MAN2A1: variants seen among roughly 807,000 people sequenced by gnomAD.
MAN2A1 encodes alpha-mannosidase 2.
In MAN2A1, 76 loss-of-function variants were observed where a neutral mutation model predicts 142.6. That is an observed-to-expected ratio of 0.53 (90% CI 0.44 to 0.65). MAN2A1 has a LOEUF of 0.65. MAN2A1 is among the 30% of genes least tolerant of loss of function. The pLI is 0.00. For synonymous variants in MAN2A1, 559 were observed against 473.2 expected, an observed-to-expected ratio of 1.18 and a Z score of -2.35; for missense variants, 1,311 against 1,365.1, an observed-to-expected ratio of 0.96 and a Z score of 0.62.
intron 12 of MAN2A1, 42 bp from the exon 13 acceptor site, chr5:109,817,221 TAAGAAGTAAA>T: frequency 2.0e-6 from 3 of 1,535,186 alleles, no homozygotes; most frequent in Non-Finnish European, 2.7e-6. Flanking sequence ...TATGTATATG[TAAGAAGTAAA>T]AATATTTTGA....
chr5:109,855,844 A>G (rs1336074338), intron 20 of MAN2A1, among the ~76,000 whole-genome samples: 1 of 152,238 alleles, frequency 6.6e-6, no homozygotes, highest in Non-Finnish European at 1.5e-5. Context: ...AGTTATATAC[A>G]TACCTGTTTT....
chr5:109,766,179 A>G (rs932774519), intron 5 of MAN2A1, among the ~76,000 whole-genome samples: 3 of 152,110 alleles, frequency 2.0e-5, no homozygotes, highest in South Asian at 2.1e-4. Context: ...GTAATGCAAT[A>G]TCATAGGGTA....
At chr5:109,842,514 TATA>T in intron 17 of MAN2A1, 53 bp downstream of exon 17, 1 of 1,183,930 alleles carries the variant, frequency 8.4e-7, no homozygotes, top group Non-Finnish European at 1.2e-6. Flanking sequence ...GTGTAATTCT[TATA>T]TATAACAATG....
chr5:109,717,063 A>ATT (rs371206769), intron 3 of MAN2A1, among the ~76,000 whole-genome samples: 89 of 145,938 alleles, frequency 6.1e-4, no homozygotes, highest in Middle Eastern at 7.1e-3. Context: ...TAGTTGCAGC[A>ATT]TTTTTTTTTT....
intron 1 of MAN2A1, among the ~76,000 whole-genome samples, chr5:109,690,760 T>TGCG (rs888676063): frequency 7.8e-4 from 118 of 151,994 alleles, no homozygotes; most frequent in Middle Eastern, 6.8e-3. Flanking sequence ...CTGGGCGGCG[T>TGCG]GCGGCGGCGG....
chr5:109,732,023 G>C (rs917407877), intron 4 of MAN2A1, among the ~76,000 whole-genome samples: 35 of 151,938 alleles, frequency 2.3e-4, no homozygotes, highest in Non-Finnish European at 4.4e-4. Flanking sequence ...TCCAGCACCT[G>C]TTGTTTCCTG....
intron 1 of MAN2A1, among the ~76,000 whole-genome samples, chr5:109,692,818 C>T (rs1211422724): frequency 2.8e-5 from 2 of 70,882 alleles, no homozygotes; most frequent in African/African-American, 5.5e-5. Context: ...TCGGGGGTTT[C>T]GGGGGATGGT....
At chr5:109,842,093 A>T (rs546097227) in intron 16 of MAN2A1, among the ~76,000 whole-genome samples, 3 of 152,290 alleles carry the variant, frequency 2.0e-5, no homozygotes, top group Middle Eastern at 3.4e-3. Context: ...TTCTCATCCC[A>T]GCTGCTTCAT....
intron 10 of MAN2A1, among the ~76,000 whole-genome samples, chr5:109,786,247 C>T (rs1260905739): frequency 6.6e-6 from 1 of 151,958 alleles, no homozygotes; most frequent in Non-Finnish European, 1.5e-5. Flanking sequence ...TCAGATCCTC[C>T]TTTTTTCCTT....
At chr5:109,733,673 A>T (rs10477444) in intron 4 of MAN2A1, among the ~76,000 whole-genome samples, 12,498 of 151,400 alleles carry the variant, frequency 0.083, 606 homozygotes, top group African/African-American at 0.15. Flanking sequence ...TTTATTGATT[A>T]GCGTATATTG....
At chr5:109,845,575 T>C (rs772674462) in intron 17 of MAN2A1, among the ~76,000 whole-genome samples, 1 of 152,192 alleles carries the variant, frequency 6.6e-6, no homozygotes, top group Non-Finnish European at 1.5e-5. Context: ...ATGCAAATAT[T>C]GGAGAGCTAG....
At chr5:109,701,958 G>T (rs946769703) in intron 1 of MAN2A1, among the ~76,000 whole-genome samples, 2 of 152,222 alleles carry the variant, frequency 1.3e-5, no homozygotes, top group African/African-American at 2.4e-5. Context: ...TGGAAAGCCA[G>T]TGAGAGATCA....
intron 1 of MAN2A1, among the ~76,000 whole-genome samples, chr5:109,708,918 T>C (rs1318900366): frequency 6.6e-6 from 1 of 152,208 alleles, no homozygotes; most frequent in African/African-American, 2.4e-5. Flanking sequence ...AGGGCACATC[T>C]TCTCCACTTA....
intron 19 of MAN2A1, chr5:109,854,334 A>C (rs189259580): frequency 6.6e-6 from 1 of 152,204 alleles, no homozygotes; most frequent in Non-Finnish European, 1.5e-5. Context: ...TACCAACATT[A>C]GTAGATTATT....
In MAN2A1 at chr5:109,868,261, A is replaced by G. The variant is rs976654036; in HGVS notation, c.*1263A>G. On this transcript the variant is annotated 3_prime_UTR_variant, in exon 22 of 22. Transcript: ENST00000261483. ...ATCATGGTTTATCTTACTAAGGAATATGTTTGTTCATTCAGTTCTCAACTT... is the reference window on the plus strand; with the variant it reads ...ATCATGGTTTATCTTACTAAGGAATGTGTTTGTTCATTCAGTTCTCAACTT... 2 of 152,184 alleles carry G rather than the reference A, an allele frequency of 1.3e-5. No homozygotes were observed. The highest frequency in any genetic ancestry group is 1.5e-5 in the Non-Finnish European group (1 of 68,022). The allele number at this position is 152,184 out of a possible 1,614,324, so 9.4% of individuals were successfully genotyped here.
chr5:109,866,675 A>G (rs1755891695), intron 21 of MAN2A1, among the ~76,000 whole-genome samples, 171 bp from the exon 22 acceptor site: 2 of 152,086 alleles, frequency 1.3e-5, no homozygotes, highest in African/African-American at 4.8e-5. Context: ...GAGAACTTAT[A>G]TATGTATATT....
chr5:109,769,238 A>G (rs1042137584), intron 6 of MAN2A1, among the ~76,000 whole-genome samples: 5 of 152,206 alleles, frequency 3.3e-5, no homozygotes, highest in African/African-American at 7.2e-5. Flanking sequence ...ACTGAAGTAC[A>G]TAGATTTTAA....
chr5:109,734,430 T>C (rs1391445209), intron 4 of MAN2A1, among the ~76,000 whole-genome samples: 2 of 152,120 alleles, frequency 1.3e-5, no homozygotes, highest in Non-Finnish European at 2.9e-5. Flanking sequence ...ATGTGTTTGC[T>C]CTTGTTTCTC....
At chr5:109,749,322 T>A (rs1752488222) in intron 4 of MAN2A1, among the ~76,000 whole-genome samples, 1 of 152,136 alleles carries the variant, frequency 6.6e-6, no homozygotes, top group East Asian at 1.9e-4. Flanking sequence ...TTGTTGTGCT[T>A]TGCAGTAAAT....
Sources: allele counts gnomAD v4.1 joint callset (sites outside exome capture counted in the v4.1 genomes callset), GRCh38; gene constraint gnomAD v4.1.1; transcripts MANE v1.5; gene names NCBI Gene and HGNC (gene_info 2026-07-23, HGNC 2026-07-21).